Variants in FRMD4A observed in about 807,000 individuals in gnomAD.
FRMD4A encodes FERM domain containing 4A, also known as FERM domain-containing protein 4A.
FRMD4A carries 29 observed loss-of-function variants against 129.1 expected under a neutral mutation model. The observed-to-expected ratio is 0.22, with a 90% CI of 0.17 to 0.31. The LOEUF is 0.31. Among genes scored for constraint, FRMD4A ranks in the 10% least tolerant of loss-of-function variants. FRMD4A has a pLI of 1.00. For missense variants in FRMD4A, 1,272 were observed against 1,375.8 expected (o/e 0.92, Z 1.19); for synonymous variants, 634 against 571.6 (o/e 1.11, Z -1.56).
chr10:13,712,536 C>CA (rs995905417), intron 12 of FRMD4A, among the ~76,000 whole-genome samples: 11 of 150,900 alleles, frequency 7.3e-5, no homozygotes, highest in African/African-American at 1.7e-4. Flanking sequence ...AGAGCAACAA[C>CA]AAAAAAAACA....
At chr10:13,844,462 A>G (rs1441428289) in intron 3 of FRMD4A, among the ~76,000 whole-genome samples, 1 of 152,196 alleles carries the variant, frequency 6.6e-6, no homozygotes, top group Non-Finnish European at 1.5e-5. Flanking sequence ...TAAAAGATTG[A>G]CACTATTTTA....
At chr10:13,956,841 C>T (rs1456689501) in intron 2 of FRMD4A, among the ~76,000 whole-genome samples, 2 of 152,136 alleles carry the variant, frequency 1.3e-5, no homozygotes, top group Non-Finnish European at 2.9e-5. Flanking sequence ...AACAAATGGG[C>T]TACTCCCTGG....
rs191554603 is a variant in FRMD4A, at chr10:13,730,045, T to C, written c.759+7799A>G. On this transcript the variant is annotated intron_variant, in intron 12 of 24. Coordinates refer to ENST00000357447, the MANE Select transcript of FRMD4A (RefSeq NM_018027.5). ...TTTTGGAAAGTCTTTTCTGCTTTAA[T>C]GTGTAATGGCTTCCGATGATCAGAT... Among the ~76,000 whole-genome samples, 409 of 152,328 alleles carry C rather than the reference T, an allele frequency of 2.7e-3. 1 individual carries two copies. The highest frequency in any genetic ancestry group is 8.3e-3 in the African/African-American group (344 of 41,566).
intron 2 of FRMD4A, among the ~76,000 whole-genome samples, chr10:14,080,992 C>T (rs1399598294): frequency 6.6e-6 from 1 of 151,982 alleles, no homozygotes; most frequent in African/African-American, 2.4e-5. Context: ...AGACAGTAAG[C>T]ACTGTCCTAA....
At position 13,657,445 on chromosome 10, in the gene FRMD4A, T is replaced by C. The variant is rs1304230463; in HGVS notation, c.2144A>G (p.Gln715Arg). 2 of 1,612,164 alleles carry C rather than the reference T, an allele frequency of 1.2e-6. No homozygotes were observed. The highest frequency in any genetic ancestry group is 8.5e-7 in the Non-Finnish European group (1 of 1,179,910). Residue 715 changes from glutamine to arginine, a missense_variant, in exon 22 of 25, where the codon CAG (glutamine) becomes CGG (arginine). Gln to Arg is a conservative substitution (Grantham distance 43, BLOSUM62 1). This residue lies in a region of FRMD4A where 972 missense variants were observed against 892.3 expected (regional missense o/e 1.09). Coordinates refer to ENST00000357447, the MANE Select transcript of FRMD4A (RefSeq NM_018027.5). ...FRHRSSSLES[Q>R]GKLLGSENDT... ...GTTTTCCGAGCCCAGGAGCTTGCCC[T>C]GGGACTCCAGGCTGGAGCTCCGGTG...
intron 3 of FRMD4A, among the ~76,000 whole-genome samples, chr10:13,825,522 C>T (rs903186977): frequency 6.6e-6 from 1 of 152,152 alleles, no homozygotes; most frequent in African/African-American, 2.4e-5. Context: ...CTAACTAGTG[C>T]CTGATGATGT....
rs570342109 is a variant in FRMD4A, at chr10:13,961,729, A to AT, written c.46-102818dup. Among the ~76,000 whole-genome samples the AT allele has an allele frequency of 9.2e-5, 14 of 152,350 alleles. No individual in the cohort carries two copies. In the South Asian group the frequency reaches 2.9e-3, roughly 32 times the overall value. ...TTACCAGGTGCCTTGTCCTCAAAGCATTGACCTCCAATTTTAATTTGACTT... is the reference window on the plus strand; with the variant it reads ...TTACCAGGTGCCTTGTCCTCAAAGCATTTGACCTCCAATTTTAATTTGACTT... On this transcript the variant is annotated intron_variant, in intron 2 of 24. Transcript: ENST00000357447.
chr10:13,895,054 T>C (rs2094741882), intron 2 of FRMD4A, among the ~76,000 whole-genome samples: 1 of 152,258 alleles, frequency 6.6e-6, no homozygotes, highest in East Asian at 1.9e-4. Flanking sequence ...GAACAGGGTC[T>C]GGCTGAATAA....
intron 2 of FRMD4A, among the ~76,000 whole-genome samples, chr10:14,129,126 T>C (rs1161817042): frequency 6.6e-6 from 1 of 151,904 alleles, no homozygotes; most frequent in Non-Finnish European, 1.5e-5. Context: ...ACTTGCCTGA[T>C]GAGAATCAAC....
chr10:13,816,939 T>C (rs1045340581), intron 3 of FRMD4A, among the ~76,000 whole-genome samples: 6 of 152,182 alleles, frequency 3.9e-5, no homozygotes, highest in Admixed American at 6.6e-5. Context: ...CCCTAAGAGG[T>C]CATTACATCT....
intron 19 of FRMD4A, among the ~76,000 whole-genome samples, chr10:13,661,078 C>T (rs540374986): frequency 2.6e-5 from 4 of 152,164 alleles, no homozygotes; most frequent in Admixed American, 1.3e-4. Context: ...TAAATACCTG[C>T]TGGGTGGATC....
intron 3 of FRMD4A, among the ~76,000 whole-genome samples, chr10:13,851,044 G>A (rs111431675): frequency 2.5e-4 from 38 of 152,202 alleles, no homozygotes; most frequent in African/African-American, 7.2e-4. Context: ...GTGAAATCCC[G>A]TCTTTACAAA....
At chr10:14,056,531 A>G (rs1053032604) in intron 2 of FRMD4A, among the ~76,000 whole-genome samples, 4 of 152,038 alleles carry the variant, frequency 2.6e-5, no homozygotes, top group Admixed American at 2.0e-4. Context: ...TTTTGTACCC[A>G]TTAAACATCC....
intron 23 of FRMD4A, 46 bp downstream of exon 23, chr10:13,654,368 GAC>G (rs1391256818): frequency 3.4e-6 from 4 of 1,170,620 alleles, no homozygotes; most frequent in African/African-American, 1.5e-5. Flanking sequence ...GAACGTCTAT[GAC>G]ACTCTTTCGA....
intron 2 of FRMD4A, among the ~76,000 whole-genome samples, chr10:14,314,049 A>G (rs1846648829): frequency 6.6e-6 from 1 of 152,226 alleles, no homozygotes; most frequent in African/African-American, 2.4e-5. Context: ...TTAAGAACAT[A>G]TGGGAAAACC....
chr10:14,123,037 T>C (rs1393005263), intron 2 of FRMD4A, among the ~76,000 whole-genome samples: 2 of 152,132 alleles, frequency 1.3e-5, no homozygotes, highest in African/African-American at 4.8e-5. Context: ...GGAATGAATA[T>C]AAGGAACTTC....
chr10:13,698,122 A>C lies in FRMD4A; in HGVS notation c.975+3218T>G, dbSNP rs528047652. Among the ~76,000 whole-genome samples the C allele has an allele frequency of 6.9e-4, 92 of 134,154 alleles. No homozygotes were observed. In the East Asian group the frequency reaches 0.017, roughly 25 times the overall value. 88.0% of individuals were successfully genotyped at this position (134,154 alleles called of 152,430 possible). On this transcript the variant is annotated intron_variant, in intron 14 of 24. Coordinates refer to ENST00000357447, the MANE Select transcript of FRMD4A (RefSeq NM_018027.5). ...AGGGAGAGACAGGCAGAGAGAAAGA[A>C]GGAGAGATTTCCTTAAATGATTTGC... is the stretch of plus-strand genomic sequence containing the variant.
chr10:14,126,233 C>T (rs989791830), intron 2 of FRMD4A, among the ~76,000 whole-genome samples: 8 of 137,784 alleles, frequency 5.8e-5, no homozygotes, highest in African/African-American at 1.4e-4. Context: ...TGCAGTGGTG[C>T]GATCTTGGCT....
chr10:13,864,853 A>G (rs568613196), intron 2 of FRMD4A, among the ~76,000 whole-genome samples: 50 of 152,300 alleles, frequency 3.3e-4, no homozygotes, highest in African/African-American at 1.2e-3. Context: ...ATGCAATTAC[A>G]GGTGTGAGCC....
Sources: gnomAD v4.1 joint callset for allele counts (sites outside exome capture counted in the v4.1 genomes callset) on GRCh38, gnomAD v4.1.1 for gene constraint, gnomAD v4.1.1 regional missense constraint, MANE v1.5 for transcripts, NCBI Gene and HGNC (gene_info 2026-07-23, HGNC 2026-07-21) for gene names.